Variants in IL1R1 observed in about 807,000 individuals in gnomAD.
The protein encoded by IL1R1 is interleukin-1 receptor type 1.
In IL1R1, 22 loss-of-function variants were observed where a neutral mutation model predicts 50.2. The observed-to-expected ratio is 0.44, with a 90% confidence interval of 0.31 to 0.63. The LOEUF (loss-of-function observed/expected upper bound fraction) is 0.63, where lower values mean the gene tolerates loss of function less well. Ranked by LOEUF, IL1R1 falls within the 20% of genes least tolerant of loss-of-function variation. The pLI, the probability that IL1R1 is intolerant of heterozygous loss-of-function variation, is 0.07. For synonymous variants in IL1R1, 251 were observed against 236.7 expected (o/e 1.06, Z -0.55); for missense variants, 509 against 676.2 (o/e 0.75, Z 2.74).
At chr2:102,096,546 T>C (rs1292212896) in intron 1 of IL1R1, among the ~76,000 whole-genome samples, 1 of 152,016 alleles carries the variant, frequency 6.6e-6, no homozygotes, top group African/African-American at 2.4e-5. Context: ...TGTCTTTTTT[T>C]GCCTATTTAA....
intron 1 of IL1R1, among the ~76,000 whole-genome samples, chr2:102,122,068 A>G (rs1438392808): frequency 5.9e-5 from 9 of 152,180 alleles, no homozygotes; most frequent in Non-Finnish European, 1.3e-4. Flanking sequence ...TCACCCTTTG[A>G]ATCAATACAC....
At chr2:102,111,010 G>A (rs547336640) in intron 1 of IL1R1, among the ~76,000 whole-genome samples, 1 of 152,300 alleles carries the variant, frequency 6.6e-6, no homozygotes, top group East Asian at 1.9e-4. Context: ...GGCAGAGGAA[G>A]CAGAGCATAA....
intron 1 of IL1R1, among the ~76,000 whole-genome samples, chr2:102,092,671 G>T (rs1679724795): frequency 6.6e-6 from 1 of 152,144 alleles, no homozygotes; most frequent in South Asian, 2.1e-4. Flanking sequence ...ACAGGGCAAA[G>T]GGGAGCATGT....
intron 9 of IL1R1, among the ~76,000 whole-genome samples, chr2:102,173,318 T>C (rs1340401483): frequency 6.6e-6 from 1 of 152,174 alleles, no homozygotes; most frequent in Non-Finnish European, 1.5e-5. Flanking sequence ...ATTGGTATAA[T>C]AAAACATAAT....
At chr2:102,151,700 C>T (rs1683670026) in intron 1 of IL1R1, among the ~76,000 whole-genome samples, 4 of 152,240 alleles carry the variant, frequency 2.6e-5, no homozygotes, top group East Asian at 1.9e-4. Context: ...TGTCACTCGT[C>T]ATGCCTGGCT....
intron 1 of IL1R1, among the ~76,000 whole-genome samples, chr2:102,116,860 C>G (rs1295900631): frequency 1.3e-5 from 2 of 152,102 alleles, no homozygotes. Context: ...TAACATTTTC[C>G]TAGATAAAAT....
chr2:102,172,881 G>A (rs199812647), intron 9 of IL1R1, 43 bp downstream of exon 9: 46 of 1,426,532 alleles, frequency 3.2e-5, no homozygotes, highest in African/African-American at 2.1e-4. Flanking sequence ...TTTTACTGTA[G>A]TAAGATTCCA....
intron 1 of IL1R1, among the ~76,000 whole-genome samples, chr2:102,095,771 G>A (rs549239799): frequency 5.9e-5 from 9 of 152,302 alleles, no homozygotes; most frequent in East Asian, 1.9e-4. Flanking sequence ...TTGGGAGGCC[G>A]AGGCGGGCGG....
chr2:102,142,918 C>A lies in IL1R1; in HGVS notation c.-186C>A, dbSNP rs1199158201. 4.0e-5 allele frequency: 6 copies of A among 151,836 alleles called. No homozygotes were observed. Among genetic ancestry groups the A allele is most frequent in the Admixed American group, 3.9e-4 (6 of 15,250 alleles). 9.4% of individuals were successfully genotyped at this position (151,836 alleles called of 1,614,324 possible). On this transcript the variant is annotated 5_prime_UTR_variant, in exon 1 of 12. Transcript: ENST00000410023. ...AATGTGACAATCGCGCGCCCGCGCA[C>A]CGAAGCACTCCTCGCTCGGCTCCTA...
chr2:102,118,335 A>C (rs1681209390), intron 1 of IL1R1, among the ~76,000 whole-genome samples: 2 of 151,972 alleles, frequency 1.3e-5, no homozygotes, highest in Non-Finnish European at 2.9e-5. Context: ...CCTCCCATAC[A>C]CCTCGCCCTG....
intron 1 of IL1R1, among the ~76,000 whole-genome samples, chr2:102,125,140 C>T (rs1056131889): frequency 6.6e-6 from 1 of 152,182 alleles, no homozygotes; most frequent in African/African-American, 2.4e-5. Flanking sequence ...GGCTCTTCCT[C>T]GGCTACCACA....
At chr2:102,157,619 G>A (rs1213117610) in intron 2 of IL1R1, 100 bp from the exon 3 acceptor site, 3 of 729,652 alleles carry the variant, frequency 4.1e-6, no homozygotes, top group Non-Finnish European at 7.3e-6. Context: ...TTGTGGGTGA[G>A]GGTGGGGACA....
At chr2:102,138,014 T>C (rs545256272), upstream of IL1R1, among the ~76,000 whole-genome samples, 1 of 152,236 alleles carries the variant, frequency 6.6e-6, no homozygotes, top group Non-Finnish European at 1.5e-5. Context: ...GAAAGAGTAT[T>C]ACATTTAAGA....
intron 1 of IL1R1, among the ~76,000 whole-genome samples, chr2:102,078,324 T>G (rs1679062655): frequency 6.6e-6 from 1 of 151,970 alleles, no homozygotes; most frequent in Non-Finnish European, 1.5e-5. Context: ...TTCACTGGAC[T>G]GATCAAAAAT....
At chr2:102,093,898 G>A (rs1679789762) in intron 1 of IL1R1, among the ~76,000 whole-genome samples, 1 of 152,144 alleles carries the variant, frequency 6.6e-6, no homozygotes, top group African/African-American at 2.4e-5. Context: ...ATCCCCGCGG[G>A]ACCAGTCCTC....
At chr2:102,083,742 AAGACC>A (rs1451804947) in intron 1 of IL1R1, among the ~76,000 whole-genome samples, 11 of 152,106 alleles carry the variant, frequency 7.2e-5, no homozygotes, top group Non-Finnish European at 1.5e-4. Context: ...TCAGGAGTTC[AAGACC>A]AGCCTGACCA....
intron 1 of IL1R1, among the ~76,000 whole-genome samples, chr2:102,148,145 G>A (rs570759297): frequency 1.4e-4 from 21 of 152,304 alleles, no homozygotes; most frequent in African/African-American, 5.1e-4. Flanking sequence ...TGGGTTGTGT[G>A]CACATGATAG....
At chr2:102,117,193 C>G (rs950438054) in intron 1 of IL1R1, among the ~76,000 whole-genome samples, 2 of 152,204 alleles carry the variant, frequency 1.3e-5, no homozygotes, top group Non-Finnish European at 2.9e-5. Flanking sequence ...CATGGTGCCT[C>G]CTCTGTCTAT....
intron 1 of IL1R1, among the ~76,000 whole-genome samples, chr2:102,079,630 A>T (rs1559450772): frequency 6.6e-6 from 1 of 152,132 alleles, no homozygotes; most frequent in Non-Finnish European, 1.5e-5. Flanking sequence ...CATGTTCATG[A>T]ATCAGAAGAC....
Sources: allele counts gnomAD v4.1 joint callset (sites outside exome capture counted in the v4.1 genomes callset), GRCh38; gene constraint gnomAD v4.1.1; transcripts MANE v1.5; gene names NCBI Gene and HGNC (gene_info 2026-07-23, HGNC 2026-07-21).